The following INTU variants were observed in gnomAD, a reference collection of about 807,000 sequenced individuals.
INTU encodes the protein inturned planar cell polarity protein.
INTU carries 68 observed loss-of-function variants against 100.5 expected under a neutral mutation model. The observed-to-expected ratio is 0.68, with a 90% CI of 0.56 to 0.83. INTU has a LOEUF of 0.83. Ranked by LOEUF, INTU falls within the 40% of genes least tolerant of loss-of-function variation. INTU has a pLI of 0.00. For synonymous variants in INTU, 357 were observed against 395.7 expected (o/e 0.90, Z 1.16); for missense variants, 1,071 against 1,114.7 (o/e 0.96, Z 0.56).
At chr4:127,668,821 C>T (rs571613775) in intron 4 of INTU, among the ~76,000 whole-genome samples, 1 of 151,702 alleles carries the variant, frequency 6.6e-6, no homozygotes, top group Non-Finnish European at 1.5e-5. Flanking sequence ...TGACTAATTT[C>T]GGCAGTCTCT....
rs780801040 is a variant in INTU at position 127,674,190 on chromosome 4, G to A, written c.1158G>A (p.Leu386=). The A allele has an allele frequency of 6.2e-7, 1 of 1,611,652 alleles. No homozygotes were observed. The highest frequency in any genetic ancestry group is 1.1e-5 in the South Asian group (1 of 90,324). ...ATTGGAAAGAATCTGACAAGTTGTTGCTAATTGGCCTGCCTGCTGAAGAGT... is the reference window on the plus strand; with the variant it reads ...ATTGGAAAGAATCTGACAAGTTGTTACTAATTGGCCTGCCTGCTGAAGAGT... ...VAYWKESDKL[L]LIGLPAEEVP... is the part of the protein sequence containing the mutation. Residue 386 remains leucine (L), a synonymous_variant, in exon 6 of 16, where the codon TTG becomes TTA. Transcript: ENST00000335251.
intron 6 of INTU, among the ~76,000 whole-genome samples, chr4:127,682,289 A>G (rs1729606042): frequency 6.6e-6 from 1 of 152,060 alleles, no homozygotes; most frequent in South Asian, 2.1e-4. Flanking sequence ...ATGCTGCTAT[A>G]AAGACACATG....
chr4:127,696,546 T>C (rs1333468801), intron 8 of INTU, among the ~76,000 whole-genome samples: 5 of 151,060 alleles, frequency 3.3e-5, no homozygotes, highest in African/African-American at 1.2e-4. Context: ...TCATTTCTGG[T>C]ATTAGTAATT....
At chr4:127,697,186 T>C (rs1457333579) in intron 8 of INTU, among the ~76,000 whole-genome samples, 2 of 152,184 alleles carry the variant, frequency 1.3e-5, no homozygotes, top group African/African-American at 4.8e-5. Context: ...ATCCAACATT[T>C]TTTAGTCTGT....
chr4:127,648,647 TAGACAAC>T (rs1414433888), intron 2 of INTU, among the ~76,000 whole-genome samples: 1 of 152,196 alleles, frequency 6.6e-6, no homozygotes, highest in Non-Finnish European at 1.5e-5. Context: ...TAACAAACTA[TAGACAAC>T]AGAACTAATC....
At chr4:127,666,247 T>G (rs1728692579) in intron 4 of INTU, among the ~76,000 whole-genome samples, 1 of 152,154 alleles carries the variant, frequency 6.6e-6, no homozygotes, top group Non-Finnish European at 1.5e-5. Flanking sequence ...TCTATACTTG[T>G]AGACTCTATA....
intron 8 of INTU, among the ~76,000 whole-genome samples, chr4:127,689,504 G>A (rs1215742001): frequency 6.6e-6 from 1 of 151,788 alleles, no homozygotes; most frequent in Non-Finnish European, 1.5e-5. Flanking sequence ...TTAAACATTA[G>A]CAGAGCATGG....
chr4:127,687,539 A>G, intron 7 of INTU, 139 bp from the exon 8 acceptor site: 1 of 648,452 alleles, frequency 1.5e-6, no homozygotes, highest in South Asian at 2.4e-5. Context: ...GTAACATTCT[A>G]GCAGCAATTC....
At chr4:127,711,940 T>C (rs1389290824) in intron 14 of INTU, among the ~76,000 whole-genome samples, 1 of 152,222 alleles carries the variant, frequency 6.6e-6, no homozygotes, top group Non-Finnish European at 1.5e-5. Context: ...GAATAAATAA[T>C]AATGCTGTGT....
intron 14 of INTU, among the ~76,000 whole-genome samples, chr4:127,713,063 G>C (rs536015350): frequency 6.6e-6 from 1 of 152,324 alleles, no homozygotes; most frequent in South Asian, 2.1e-4. Flanking sequence ...TGGCCGGATA[G>C]ACTATGATAA....
chr4:127,707,571 C>G (rs1358691443), intron 12 of INTU, among the ~76,000 whole-genome samples: 2 of 151,950 alleles, frequency 1.3e-5, no homozygotes, highest in African/African-American at 2.4e-5. Flanking sequence ...CTGTTGGGGG[C>G]TGATCTGACT....
At chr4:127,704,034 GGTT>G (rs1249964865) in intron 9 of INTU, among the ~76,000 whole-genome samples, 191 bp from the exon 10 acceptor site, 1 of 152,062 alleles carries the variant, frequency 6.6e-6, no homozygotes, top group African/African-American at 2.4e-5. Flanking sequence ...TGAAACATAA[GGTT>G]GTTCTCAGTG....
rs1451950924 is a variant in INTU at position 127,708,631 on chromosome 4, C to A, written c.2332C>A (p.Leu778Ile). 3 of 1,596,004 alleles carry A rather than the reference C, an allele frequency of 1.9e-6. No homozygotes were observed. Among genetic ancestry groups the A allele is most frequent in the African/African-American group, 2.7e-5 (2 of 74,446 alleles). ...PFHLGNLKKDLPEKELEIYNT... is the reference protein window; with the variant it reads ...PFHLGNLKKDIPEKELEIYNT... Reference sequence around the variant, plus strand: ...TCATTTGGGAAACTTGAAAAAGGACCTTCCAGAAAAAGAATTAGAAATATA... The same window carrying A: ...TCATTTGGGAAACTTGAAAAAGGACATTCCAGAAAAAGAATTAGAAATATA... The change falls in exon 13 of 16, where the codon CTT becomes ATT. Residue 778 changes from leucine to isoleucine, a missense_variant. By Grantham distance (5) the Leu-to-Ile change is conservative. Coordinates refer to ENST00000335251, the MANE Select transcript of INTU (RefSeq NM_015693.4).
intron 14 of INTU, among the ~76,000 whole-genome samples, chr4:127,713,020 G>A (rs1038719986): frequency 6.6e-6 from 1 of 152,224 alleles, no homozygotes; most frequent in African/African-American, 2.4e-5. Flanking sequence ...AGTGGAAGAA[G>A]AGATCACAAA....
At position 127,722,089 on chromosome 4, in the gene INTU, TG is replaced by T. The variant is rs1731353858; in HGVS notation, c.*5656del. ...ATCCTTGCATTCTTTCTCATCTTCA[TG>T]GGTTTATCTACCTTTGATCTTTGAG... is the stretch of plus-strand genomic sequence containing the variant. On this transcript the variant is annotated 3_prime_UTR_variant, in exon 16 of 16. Transcript: ENST00000335251. The T allele has an allele frequency of 6.6e-6, 1 of 152,258 alleles. No homozygotes were observed. Among genetic ancestry groups the T allele is most frequent in the Non-Finnish European group, 1.5e-5 (1 of 68,048 alleles). The allele number at this position is 152,258 out of a possible 1,614,324, so 9.4% of individuals were successfully genotyped here.
At chr4:127,637,069 T>A (rs759794245) in intron 1 of INTU, among the ~76,000 whole-genome samples, 1 of 152,230 alleles carries the variant, frequency 6.6e-6, no homozygotes, top group Non-Finnish European at 1.5e-5. Flanking sequence ...CTTACTCTTG[T>A]CTTCAGATCT....
At chr4:127,704,107 T>C in intron 9 of INTU, 121 bp from the exon 10 acceptor site, 4 of 709,712 alleles carry the variant, frequency 5.6e-6, no homozygotes, top group Non-Finnish European at 9.4e-6. Flanking sequence ...TTTCTAAAGA[T>C]GGCACTATGA....
chr4:127,658,203 C>T (rs183837551), intron 3 of INTU, among the ~76,000 whole-genome samples: 5 of 152,246 alleles, frequency 3.3e-5, no homozygotes, highest in Admixed American at 6.5e-5. Flanking sequence ...TGTATGTGTG[C>T]GCATGCACAC....
At chr4:127,674,336 A>G (rs1729075413) in intron 6 of INTU, 123 bp downstream of exon 6, 9 of 694,166 alleles carry the variant, frequency 1.3e-5, no homozygotes, top group East Asian at 2.8e-5. Context: ...TTAAAGATCT[A>G]TTGCACTAGT....
Sources: allele counts gnomAD v4.1 joint callset (sites outside exome capture counted in the v4.1 genomes callset), GRCh38; gene constraint gnomAD v4.1.1; transcripts MANE v1.5; gene names NCBI Gene and HGNC (gene_info 2026-07-23, HGNC 2026-07-21).